KLF8: variants seen among roughly 807,000 people sequenced by gnomAD.
KLF8 encodes the protein KLF transcription factor 8, also known as Krueppel-like factor 8.
KLF8 carries 10 observed loss-of-function variants against 18.2 expected under a neutral mutation model. The ratio of observed to expected loss-of-function variants is 0.55; its 90% CI spans 0.34 to 0.93. The LOEUF is 0.93. Ranked by LOEUF, KLF8 falls within the 40% of genes least tolerant of loss-of-function variation. The pLI, the probability that KLF8 is intolerant of heterozygous loss-of-function variation, is 0.02. For missense variants in KLF8, 264 were observed against 277.9 expected, an observed-to-expected ratio of 0.95 and a Z score of 0.36; for synonymous variants, 109 against 97.3, an observed-to-expected ratio of 1.12 and a Z score of -0.71.
chrX:56,007,028 C>T, the KLF8 span, among the ~76,000 whole-genome samples: 1 of 112,177 alleles, frequency 8.9e-6, no homozygotes, highest in Non-Finnish European at 1.9e-5. Context: ...AAATGGCTTC[C>T]TTGCTGCTAG....
intron 5 of KLF8, among the ~76,000 whole-genome samples, chrX:56,282,014 A>G (rs1474824535): frequency 1.8e-5 from 2 of 112,610 alleles, no homozygotes; most frequent in African/African-American, 3.2e-5. Context: ...CAATTGGTTG[A>G]GGTGTATATA....
At chrX:56,201,565 G>GTA in the KLF8 span, among the ~76,000 whole-genome samples, 113 of 111,479 alleles carry the variant, frequency 1.0e-3, no homozygotes, top group African/African-American at 3.6e-3. Flanking sequence ...GTACTGTATT[G>GTA]TAGTTAAAAT....
At chrX:55,926,892 C>T in the KLF8 span, among the ~76,000 whole-genome samples, 3 of 105,259 alleles carry the variant, frequency 2.9e-5, no homozygotes, top group East Asian at 8.5e-4. Flanking sequence ...TACCGATAGA[C>T]AACCCTAAAA....
At chrX:56,124,787 C>T in the KLF8 span, among the ~76,000 whole-genome samples, 1 of 112,175 alleles carries the variant, frequency 8.9e-6, no homozygotes, top group Admixed American at 9.4e-5. Context: ...TTTTATGTCA[C>T]TGTGACCTTT....
the KLF8 span, among the ~76,000 whole-genome samples, chrX:56,082,705 A>G: frequency 9.0e-6 from 1 of 110,681 alleles, no homozygotes; most frequent in African/African-American, 3.3e-5. Flanking sequence ...CCTTTTAATG[A>G]TTTTTTGAGT....
At chrX:56,024,504 A>G in the KLF8 span, among the ~76,000 whole-genome samples, 2 of 111,654 alleles carry the variant, frequency 1.8e-5, no homozygotes, top group African/African-American at 6.5e-5. Context: ...ACACCAAGGT[A>G]GTGAAGGAAG....
the KLF8 span, among the ~76,000 whole-genome samples, chrX:55,954,494 A>G: frequency 8.9e-6 from 1 of 112,081 alleles, no homozygotes; most frequent in Non-Finnish European, 1.9e-5. Flanking sequence ...ATGAGAAGCC[A>G]CTTTATACTC....
chrX:55,916,487 T>A, the KLF8 span, among the ~76,000 whole-genome samples: 2 of 111,695 alleles, frequency 1.8e-5, no homozygotes, highest in African/African-American at 6.5e-5. Flanking sequence ...CTTCTCCAAT[T>A]TTCTTTTTGC....
At chrX:55,987,461 T>G in the KLF8 span, among the ~76,000 whole-genome samples, 1 of 111,304 alleles carries the variant, frequency 9.0e-6, no homozygotes, top group Non-Finnish European at 1.9e-5. Context: ...TTTGGTTTTT[T>G]GTCCTTGCAA....
the KLF8 span, among the ~76,000 whole-genome samples, chrX:55,936,697 C>T: frequency 1.1e-4 from 12 of 112,406 alleles, no homozygotes; most frequent in South Asian, 3.7e-4. Flanking sequence ...ACTTTTCCAA[C>T]GGGCTTAACA....
the KLF8 span, among the ~76,000 whole-genome samples, chrX:56,003,049 C>T: frequency 2.4e-3 from 264 of 111,787 alleles, 1 homozygote; most frequent in Non-Finnish European, 4.3e-3. Context: ...ATTCCTCCTT[C>T]CTTTCTTCCT....
At chrX:55,954,160 T>G in the KLF8 span, among the ~76,000 whole-genome samples, 7 of 110,737 alleles carry the variant, frequency 6.3e-5, no homozygotes, top group Non-Finnish European at 1.3e-4. Flanking sequence ...GATGGGAATT[T>G]GGGTTGTTTC....
At chrX:55,971,149 C>T in the KLF8 span, among the ~76,000 whole-genome samples, 1 of 111,496 alleles carries the variant, frequency 9.0e-6, no homozygotes, top group Non-Finnish European at 1.9e-5. Flanking sequence ...ATCACACTAC[C>T]ATACTTAAAA....
intron 5 of KLF8, among the ~76,000 whole-genome samples, chrX:56,274,285 C>T (rs2067093606): frequency 8.9e-6 from 1 of 112,062 alleles, no homozygotes; most frequent in South Asian, 3.7e-4. Context: ...ATGTTGAGCA[C>T]CTTTTCATAT....
the KLF8 span, among the ~76,000 whole-genome samples, chrX:55,934,747 G>T: frequency 8.9e-6 from 1 of 112,369 alleles, no homozygotes; most frequent in African/African-American, 3.2e-5. Flanking sequence ...ATTAAGAAAA[G>T]TATTGTTTGA....
the KLF8 span, among the ~76,000 whole-genome samples, chrX:56,151,081 G>C: frequency 9.0e-6 from 1 of 111,012 alleles, no homozygotes; most frequent in Non-Finnish European, 1.9e-5. Context: ...GTAAAAATAA[G>C]AACTCTAAGA....
At chrX:56,061,775 A>G in the KLF8 span, among the ~76,000 whole-genome samples, 1 of 110,425 alleles carries the variant, frequency 9.1e-6, no homozygotes, top group Non-Finnish European at 1.9e-5. Flanking sequence ...AAAGTCACCT[A>G]CTATTATTGT....
At chrX:56,062,050 G>A in the KLF8 span, among the ~76,000 whole-genome samples, 2 of 98,095 alleles carry the variant, frequency 2.0e-5, no homozygotes, top group Non-Finnish European at 3.9e-5. Context: ...TTGAGCCTAG[G>A]TGTGTCTTTG....
the KLF8 span, among the ~76,000 whole-genome samples, chrX:56,217,585 T>C: frequency 5.4e-5 from 6 of 110,128 alleles, no homozygotes; most frequent in Non-Finnish European, 9.5e-5. Flanking sequence ...CAGCTAATTT[T>C]TTAAAAAATA....
Sources: allele counts gnomAD v4.1 joint callset (sites outside exome capture counted in the v4.1 genomes callset), GRCh38; gene constraint gnomAD v4.1.1; transcripts MANE v1.5; gene names NCBI Gene and HGNC (gene_info 2026-07-23, HGNC 2026-07-21).